Variants in CD247 observed in about 807,000 individuals in gnomAD.
CD247 encodes CD247 molecule.
CD247 carries 13 observed loss-of-function variants against 30.0 expected under a neutral mutation model. The ratio of observed to expected loss-of-function variants is 0.43; its 90% CI spans 0.28 to 0.69. The LOEUF is 0.69. CD247 is among the 30% of genes least tolerant of loss of function. The probability of loss-of-function intolerance (pLI) is 0.16; values close to 1 mark genes in which losing one functional copy is unlikely to be tolerated. For missense variants in CD247, 193 were observed against 212.6 expected (o/e 0.91, Z 0.57); for synonymous variants, 72 against 80.0 (o/e 0.90, Z 0.53).
chr1:167,476,054 T>C (rs1653732906), intron 1 of CD247, among the ~76,000 whole-genome samples: 2 of 151,812 alleles, frequency 1.3e-5, no homozygotes, highest in Non-Finnish European at 1.5e-5. Flanking sequence ...TATGTATATG[T>C]AGTTTATTAT....
At position 167,507,872 on chromosome 1, in the gene CD247, A is replaced by G. The variant is rs1397564239; in HGVS notation, c.58+10536T>C. On this transcript the variant is annotated intron_variant, in intron 1 of 7. Coordinates refer to ENST00000362089, the MANE Select transcript of CD247 (RefSeq NM_198053.3). ...AATCCCTAAATAGCAAATTCTCTCT[A>G]TCTCTTGGCATATAGGAGCCATTTT... Among the ~76,000 whole-genome samples the G allele has an allele frequency of 7.2e-5, 11 of 151,994 alleles. No individual in the cohort carries two copies. The East Asian group carries it at 2.1e-3, about 29-fold the overall frequency.
Position 167,440,700 on chromosome 1 carries a change from A to G in CD247, c.126T>C (p.Tyr42=), listed in dbSNP as rs1651786526. 6.2e-7 allele frequency: 1 copy of G among 1,613,826 alleles called. No homozygotes were observed. The highest frequency in any genetic ancestry group is 1.3e-5 in the African/African-American group (1 of 75,042). Residue 42 remains tyrosine, a synonymous_variant, in exon 2 of 8, where the codon TAT becomes TAC. Transcript: ENST00000362089. The part of the protein sequence containing the change: ...CYLLDGILFI[Y]GVILTALFLR... ...GGAACAAGGCAGTGAGAATGACACC[A>G]TAGATGAAGAGGATTCCATCCAGCA...
rs141326160 is a variant in CD247 at position 167,485,132 on chromosome 1, C to T, written c.58+33276G>A. ...CTCATGGATGCAGATGGCATGGACT[C>T]CTTCACTTGGTTACAACCCACACTC... On this transcript the variant is annotated intron_variant, in intron 1 of 7. Coordinates refer to ENST00000362089, the MANE Select transcript of CD247 (RefSeq NM_198053.3). 2.5e-3 allele frequency among the ~76,000 whole-genome samples: 385 copies of T among 152,328 alleles called. 2 individuals carry two copies. The highest frequency in any genetic ancestry group is 4.1e-3 in the South Asian group (20 of 4,820).
At chr1:167,448,012 G>T (rs1391561463) in intron 1 of CD247, among the ~76,000 whole-genome samples, 3 of 152,098 alleles carry the variant, frequency 2.0e-5, no homozygotes, top group Non-Finnish European at 4.4e-5. Context: ...TGCTGGGTGT[G>T]ATGCCGACCC....
rs1255804825 is a variant in CD247, at chr1:167,432,961, G to A, written c.429+63C>T. The A allele has an allele frequency of 5.1e-6, 8 of 1,565,342 alleles. No homozygotes were observed. The African/African-American group carries it at 8.1e-5, about 16-fold the overall frequency. ...TGCCACCAGCAGGCAAAATGTGGGG[G>A]CCTTGATCTTGCCCCTTGTCAGGTG... On this transcript the variant is annotated intron_variant, in intron 7 of 7. Coordinates refer to ENST00000362089, the MANE Select transcript of CD247 (RefSeq NM_198053.3).
At chr1:167,507,835 TA>T (rs11309602) in intron 1 of CD247, among the ~76,000 whole-genome samples, 60,759 of 147,180 alleles carry the variant, frequency 0.41, 13,126 homozygotes, top group East Asian at 0.62. Context: ...GACCCTATCT[TA>T]AAAAAAAAAA....
At position 167,432,959 on chromosome 1, in the gene CD247, G is replaced by A. The variant is rs1014946214; in HGVS notation, c.429+65C>T. 6.4e-6 allele frequency: 10 copies of A among 1,565,450 alleles called. No individual in the cohort carries two copies. In the African/African-American group the frequency reaches 1.2e-4, roughly 19 times the overall value. On this transcript the variant is annotated intron_variant, in intron 7 of 7. Coordinates refer to ENST00000362089, the MANE Select transcript of CD247 (RefSeq NM_198053.3). ...GGTGCCACCAGCAGGCAAAATGTGGGGGCCTTGATCTTGCCCCTTGTCAGG... is the reference window on the plus strand; with the variant it reads ...GGTGCCACCAGCAGGCAAAATGTGGAGGCCTTGATCTTGCCCCTTGTCAGG...
chr1:167,510,918 C>T (rs911162892), intron 1 of CD247, among the ~76,000 whole-genome samples: 3 of 152,156 alleles, frequency 2.0e-5, no homozygotes, highest in Non-Finnish European at 4.4e-5. Context: ...TCCTCTCAGC[C>T]AGCTTTGGGG....
rs1490821143 is a variant in CD247, at chr1:167,518,502, G to A, written c.-37C>T. ...CCTCAGAAAGAGGCTGGGAGGCAGA[G>A]GCTGAGGCAGCGGTGGCCGGGACGG... On this transcript the variant is annotated 5_prime_UTR_variant, in exon 1 of 8. Transcript: ENST00000362089. 1.3e-6 allele frequency: 2 copies of A among 1,592,134 alleles called. No homozygotes were observed. The highest frequency in any genetic ancestry group is 1.7e-5 in the Admixed American group (1 of 59,994).
intron 1 of CD247, among the ~76,000 whole-genome samples, chr1:167,443,006 T>A (rs1477753525): frequency 6.6e-6 from 1 of 152,168 alleles, no homozygotes; most frequent in Admixed American, 6.5e-5. Context: ...CATATTTTTC[T>A]ACCCCCTGGC....
chr1:167,497,629 T>C (rs1654743938), intron 1 of CD247, among the ~76,000 whole-genome samples: 1 of 152,140 alleles, frequency 6.6e-6, no homozygotes, highest in Non-Finnish European at 1.5e-5. Context: ...TAAAATAAGA[T>C]ATAGGATGAG....
intron 2 of CD247, chr1:167,439,672 C>A: frequency 1.9e-6 from 1 of 529,920 alleles, no homozygotes; most frequent in South Asian, 2.1e-5. Flanking sequence ...CGGGCTAGCG[C>A]CCTCGCGCGT....
At chr1:167,497,953 G>A (rs939696163) in intron 1 of CD247, among the ~76,000 whole-genome samples, 6 of 152,156 alleles carry the variant, frequency 3.9e-5, no homozygotes, top group African/African-American at 1.2e-4. Flanking sequence ...CCTCCTTTAC[G>A]GCTTGACCTC....
At chr1:167,485,244 A>G (rs1175981117) in intron 1 of CD247, among the ~76,000 whole-genome samples, 1 of 152,226 alleles carries the variant, frequency 6.6e-6, no homozygotes, top group African/African-American at 2.4e-5. Context: ...CAGGGAGAGC[A>G]GCCAACTCAG....
chr1:167,473,814 C>T (rs1341045530), intron 1 of CD247, among the ~76,000 whole-genome samples: 1 of 152,192 alleles, frequency 6.6e-6, no homozygotes, highest in Non-Finnish European at 1.5e-5. Flanking sequence ...CCCCTCACTC[C>T]TTTGCTGGGG....
intron 1 of CD247, among the ~76,000 whole-genome samples, chr1:167,452,582 T>C (rs1190657005): frequency 1.3e-5 from 2 of 152,120 alleles, no homozygotes; most frequent in African/African-American, 4.8e-5. Context: ...TCACGCACTG[T>C]GCTGGGCAGT....
rs1653505523 is a variant in CD247, at chr1:167,471,133, A to G, written c.59-30366T>C. ...TGATCTGCCTGCCTCGGCTTCCCAA[A>G]GTGCTGGGATTATAGGTATGAGCCA... On this transcript the variant is annotated intron_variant, in intron 1 of 7. Transcript: ENST00000362089. 2.6e-5 allele frequency among the ~76,000 whole-genome samples: 4 copies of G among 152,110 alleles called. No homozygotes were observed. In the South Asian group the frequency reaches 6.2e-4, roughly 24 times the overall value.
intron 1 of CD247, among the ~76,000 whole-genome samples, chr1:167,492,926 G>A (rs1654515730): frequency 1.3e-5 from 2 of 152,006 alleles, no homozygotes; most frequent in South Asian, 2.1e-4. Flanking sequence ...GTATTTTGGG[G>A]CTGTATGCTT....
intron 1 of CD247, among the ~76,000 whole-genome samples, chr1:167,471,586 A>G (rs1262243463): frequency 6.6e-6 from 1 of 151,830 alleles, no homozygotes; most frequent in Non-Finnish European, 1.5e-5. Flanking sequence ...TTGTGTGGTG[A>G]TGACTTTTGC....
Sources: allele counts gnomAD v4.1 joint callset (sites outside exome capture counted in the v4.1 genomes callset), GRCh38; gene constraint gnomAD v4.1.1; transcripts MANE v1.5; gene names NCBI Gene and HGNC (gene_info 2026-07-23, HGNC 2026-07-21).